MAGI3: variants seen among roughly 807,000 people sequenced by gnomAD.
MAGI3 encodes membrane-associated guanylate kinase, WW and PDZ domain-containing protein 3.
MAGI3 carries 43 observed loss-of-function variants against 121.8 expected under a neutral mutation model. The observed-to-expected ratio is 0.35, with a 90% CI of 0.28 to 0.46. The LOEUF is 0.46. Ranked by LOEUF, MAGI3 falls within the 20% of genes least tolerant of loss-of-function variation. The pLI is 1.00. For synonymous variants in MAGI3, 553 were observed against 639.3 expected, an observed-to-expected ratio of 0.86 and a Z score of 2.04; for missense variants, 1,547 against 1,797.3, an observed-to-expected ratio of 0.86 and a Z score of 2.52.
Position 113,671,723 on chromosome 1 carries a change from C to G in MAGI3, c.2816-11C>G. 1 of 1,613,046 alleles carries G rather than the reference C, an allele frequency of 6.2e-7. No homozygotes were observed. Among genetic ancestry groups the G allele is most frequent in the Non-Finnish European group, 8.5e-7 (1 of 1,179,048 alleles). ...CAAATTCTTATTTCTATTGTTTTCT[C>G]ATTTGAACAGAGCATCATGGTCCAC... On this transcript the variant is annotated splice_polypyrimidine_tract_variant and intron_variant, in intron 16 of 20. Coordinates refer to ENST00000307546, the MANE Select transcript of MAGI3 (RefSeq NM_001142782.2).
chr1:113,613,041 A>G (rs12723762), intron 6 of MAGI3, among the ~76,000 whole-genome samples: 3,110 of 152,284 alleles, frequency 0.02, 46 homozygotes, highest in Middle Eastern at 0.041. Flanking sequence ...AATATTTTTC[A>G]TGGAAGATCC....
At chr1:113,520,604 T>A (rs1658130053) in intron 1 of MAGI3, among the ~76,000 whole-genome samples, 1 of 152,064 alleles carries the variant, frequency 6.6e-6, no homozygotes, top group African/African-American at 2.4e-5. Context: ...CTTACTTTCT[T>A]TCTTCTTCTT....
chr1:113,603,275 C>T (rs951998057), intron 6 of MAGI3, among the ~76,000 whole-genome samples: 4 of 152,020 alleles, frequency 2.6e-5, no homozygotes, highest in African/African-American at 9.7e-5. Context: ...ATACAACCCT[C>T]CTAGCTTAAA....
At chr1:113,567,545 G>T (rs189157381) in intron 2 of MAGI3, among the ~76,000 whole-genome samples, 1 of 152,050 alleles carries the variant, frequency 6.6e-6, no homozygotes, top group East Asian at 1.9e-4. Flanking sequence ...AAATTATATT[G>T]CACATTAAAA....
chr1:113,449,358 A>G (rs1006730484), intron 1 of MAGI3, among the ~76,000 whole-genome samples: 1 of 50,710 alleles, frequency 2.0e-5, no homozygotes, highest in African/African-American at 7.0e-5. Context: ...CATTACTTTT[A>G]TGGTGTGTGT....
At chr1:113,437,876 T>C (rs1471117542) in intron 1 of MAGI3, among the ~76,000 whole-genome samples, 561 of 3,100 alleles carry the variant, frequency 0.18, 12 homozygotes, top group South Asian at 0.28. Flanking sequence ...CTTCTTCTTC[T>C]TCTCCTTCTC....
chr1:113,651,281 C>A, intron 14 of MAGI3, 75 bp downstream of exon 14: 1 of 1,396,496 alleles, frequency 7.2e-7, no homozygotes, highest in Non-Finnish European at 9.6e-7. Context: ...TGTAGTTTTG[C>A]AGGTTATTTT....
chr1:113,642,632 T>A, intron 10 of MAGI3, 116 bp downstream of exon 10: 1 of 1,151,754 alleles, frequency 8.7e-7, no homozygotes, highest in Non-Finnish European at 1.2e-6. Flanking sequence ...GTAATTAGTG[T>A]GCATTTTCCT....
chr1:113,536,435 C>G (rs1441822280), intron 1 of MAGI3, among the ~76,000 whole-genome samples: 1 of 152,050 alleles, frequency 6.6e-6, no homozygotes, highest in Non-Finnish European at 1.5e-5. Flanking sequence ...GTTCCAAGTA[C>G]AATTAGGGCA....
intron 2 of MAGI3, among the ~76,000 whole-genome samples, chr1:113,565,986 A>C (rs1402439101): frequency 6.6e-6 from 1 of 152,208 alleles, no homozygotes; most frequent in African/African-American, 2.4e-5. Flanking sequence ...CAAATTATTA[A>C]ACTTTAGTTT....
chr1:113,463,293 A>G (rs1570712062), intron 1 of MAGI3, among the ~76,000 whole-genome samples: 1 of 151,396 alleles, frequency 6.6e-6, no homozygotes. Flanking sequence ...TCTAGATGAG[A>G]TCACCCAGGA....
Position 113,391,179 on chromosome 1 carries a change from G to C in MAGI3, c.146G>C (p.Arg49Pro). Residue 49 changes from arginine (R) to proline (P), a missense_variant, in exon 1 of 21, where the codon CGC becomes CCC. Arg to Pro is a moderately radical substitution (Grantham distance 103). Transcript: ENST00000307546. This position sits in a 1 kb window ranked among gnomAD's most constrained non-coding sequence, Gnocchi z 4.4. ...RGEFPYLGRL[R>P]EEPGGGTCCV... ...GAGTTCCCCTACCTGGGGCGGCTCCGCGAGGAGCCCGGCGGGGGCACCTGC... is the reference window on the plus strand; with the variant it reads ...GAGTTCCCCTACCTGGGGCGGCTCCCCGAGGAGCCCGGCGGGGGCACCTGC... The C allele has an allele frequency of 6.4e-7, 1 of 1,553,384 alleles. No individual in the cohort carries two copies. Among genetic ancestry groups the C allele is most frequent in the Middle Eastern group, 1.8e-4 (1 of 5,682 alleles).
rs1413932718 is a variant in MAGI3 at position 113,671,784 on chromosome 1, C to G, written c.2866C>G (p.Leu956Val). 3.7e-6 allele frequency: 6 copies of G among 1,614,118 alleles called. No homozygotes were observed. The highest frequency in any genetic ancestry group is 2.7e-5 in the African/African-American group (2 of 74,954). ...GTNSARQSPALQHRPMGQSQA... is the reference protein window; with the variant it reads ...GTNSARQSPAVQHRPMGQSQA... Reference sequence around the variant, plus strand: ...AAACTCAGCCAGGCAAAGCCCAGCCCTGCAGCACAGGCCCATGGGACAGTC... The same window carrying G: ...AAACTCAGCCAGGCAAAGCCCAGCCGTGCAGCACAGGCCCATGGGACAGTC... The change falls in exon 17 of 21, where the codon CTG becomes GTG. Residue 956 changes from leucine to valine, a missense_variant. Transcript: ENST00000307546.
Position 113,589,896 on chromosome 1 carries a change from C to A in MAGI3, c.764-588C>A, listed in dbSNP as rs562370964. ...AGAATTATATTTAACAACAGGAACT[C>A]TATTGAGTGTAATTTTTAAAAATTA... On this transcript the variant is annotated intron_variant, in intron 4 of 20. Coordinates refer to ENST00000307546, the MANE Select transcript of MAGI3 (RefSeq NM_001142782.2). 1.1e-4 allele frequency among the ~76,000 whole-genome samples: 16 copies of A among 152,060 alleles called. No individual in the cohort carries two copies. In the South Asian group the frequency reaches 3.3e-3, roughly 32 times the overall value.
At chr1:113,463,740 A>G (rs2101523584) in intron 1 of MAGI3, among the ~76,000 whole-genome samples, 1 of 152,174 alleles carries the variant, frequency 6.6e-6, no homozygotes, top group Non-Finnish European at 1.5e-5. Flanking sequence ...AGGAATTGGT[A>G]GAGTACCTGG....
chr1:113,460,765 C>T (rs1347731476), intron 1 of MAGI3, among the ~76,000 whole-genome samples: 1 of 151,644 alleles, frequency 6.6e-6, no homozygotes, highest in South Asian at 2.1e-4. Flanking sequence ...ACTGAGATTG[C>T]GCCACTGCAC....
At chr1:113,543,552 G>T (rs1659389037) in intron 1 of MAGI3, among the ~76,000 whole-genome samples, 2 of 152,132 alleles carry the variant, frequency 1.3e-5, no homozygotes, top group South Asian at 4.1e-4. Flanking sequence ...GATGGAGAGG[G>T]TCAAATGAAT....
intron 1 of MAGI3, among the ~76,000 whole-genome samples, chr1:113,462,269 T>C (rs1557769818): frequency 6.6e-6 from 1 of 152,176 alleles, no homozygotes; most frequent in East Asian, 1.9e-4. Flanking sequence ...TGTGAATGTT[T>C]ATTGCAGCAC....
In MAGI3 at chr1:113,573,318, C is replaced by T. The variant is rs921443183; in HGVS notation, c.434-7224C>T. Among the ~76,000 whole-genome samples the T allele has an allele frequency of 5.9e-5, 9 of 152,274 alleles. No homozygotes were observed. In the South Asian group the frequency reaches 1.0e-3, roughly 18 times the overall value. On this transcript the variant is annotated intron_variant, in intron 2 of 20. Coordinates refer to ENST00000307546, the MANE Select transcript of MAGI3 (RefSeq NM_001142782.2). ...TCTATTTTAGATCTTTCCAGTTTTC[C>T]GATGTGGGCATTCAGTGCTATAAGC...
Sources: gnomAD v4.1 joint callset for allele counts (sites outside exome capture counted in the v4.1 genomes callset) on GRCh38, gnomAD v4.1.1 for gene constraint, Gnocchi (gnomAD v3.1) non-coding constraint, MANE v1.5 for transcripts, NCBI Gene and HGNC (gene_info 2026-07-23, HGNC 2026-07-21) for gene names.